The following CHN2 variants were observed in gnomAD, a reference collection of about 807,000 sequenced individuals.
CHN2 encodes beta-chimaerin.
CHN2 carries 35 observed loss-of-function variants against 56.3 expected under a neutral mutation model. The observed-to-expected ratio is 0.62, with a 90% CI of 0.47 to 0.82. The LOEUF (loss-of-function observed/expected upper bound fraction) is 0.82, where lower values mean the gene tolerates loss of function less well. Among genes scored for constraint, CHN2 ranks in the 40% least tolerant of loss-of-function variants. The pLI is 0.00. For synonymous variants in CHN2, 210 were observed against 212.8 expected (o/e 0.99, Z 0.12); for missense variants, 491 against 580.5 (o/e 0.85, Z 1.58).
At chr7:29,466,535 G>A (rs1785566488) in intron 6 of CHN2, among the ~76,000 whole-genome samples, 1 of 152,110 alleles carries the variant, frequency 6.6e-6, no homozygotes, top group Admixed American at 6.5e-5. Context: ...GATCTCTCTT[G>A]CATTTTGGAA....
intron 1 of CHN2, among the ~76,000 whole-genome samples, chr7:29,250,805 G>A (rs1788442429): frequency 6.6e-6 from 1 of 151,650 alleles, no homozygotes; most frequent in Non-Finnish European, 1.5e-5. Context: ...CTGCTTCCAG[G>A]GTTCAAGCGA....
Position 29,218,282 on chromosome 7 carries a change from A to G in CHN2, c.49+23292A>G, listed in dbSNP as rs560119093. On this transcript the variant is annotated intron_variant, in intron 1 of 12. Transcript: ENST00000222792. ...AGACAGCCAAAGTCATGCCTCGTGA[A>G]GGTAGGCATGTGGAGTGGTGGAATC... is the stretch of plus-strand genomic sequence containing the variant. Among the ~76,000 whole-genome samples the G allele has an allele frequency of 2.6e-5, 4 of 152,068 alleles. No individual in the cohort carries two copies. In the East Asian group the frequency reaches 7.8e-4, roughly 30 times the overall value.
chr7:29,446,709 G>A (rs928620787), intron 6 of CHN2, among the ~76,000 whole-genome samples: 1 of 152,210 alleles, frequency 6.6e-6, no homozygotes, highest in Non-Finnish European at 1.5e-5. Context: ...GCAGATATCA[G>A]TGCAGCAAAT....
intron 1 of CHN2, among the ~76,000 whole-genome samples, chr7:29,299,199 C>T (rs1384012109): frequency 1.3e-5 from 2 of 152,186 alleles, no homozygotes; most frequent in African/African-American, 4.8e-5. Flanking sequence ...GCTCCCACTG[C>T]GTAGACCGGT....
intron 7 of CHN2, among the ~76,000 whole-genome samples, chr7:29,494,001 A>G (rs1189715452): frequency 2.0e-5 from 3 of 152,094 alleles, no homozygotes; most frequent in South Asian, 2.1e-4. Flanking sequence ...CTTCACTCCA[A>G]TTCCTCTCCC....
intron 1 of CHN2, among the ~76,000 whole-genome samples, chr7:29,309,176 TTTTTTGTTTTTG>T (rs781412334): frequency 1.2e-4 from 18 of 152,324 alleles, no homozygotes; most frequent in Non-Finnish European, 2.4e-4. Flanking sequence ...CAAAAGCTTT[TTTTTTGTTTTTG>T]TTTTTGTTTT....
At chr7:29,361,848 G>A (rs1220201958) in intron 2 of CHN2, among the ~76,000 whole-genome samples, 1 of 152,166 alleles carries the variant, frequency 6.6e-6, no homozygotes, top group Non-Finnish European at 1.5e-5. Context: ...AATCTCTGAG[G>A]CCATCAACTC....
At chr7:29,446,645 C>T in intron 6 of CHN2, among the ~76,000 whole-genome samples, 1 of 152,072 alleles carries the variant, frequency 6.6e-6, no homozygotes. Flanking sequence ...GAGAGCTGCC[C>T]AAAGAGAGAA....
At chr7:29,436,634 G>A (rs992193510) in intron 6 of CHN2, among the ~76,000 whole-genome samples, 8 of 152,082 alleles carry the variant, frequency 5.3e-5, no homozygotes, top group African/African-American at 1.9e-4. Flanking sequence ...ATTGTGCCTG[G>A]TGACACCCCC....
chr7:29,326,398 C>T (rs868792267), intron 1 of CHN2, among the ~76,000 whole-genome samples: 8 of 152,276 alleles, frequency 5.3e-5, no homozygotes, highest in Admixed American at 2.6e-4. Context: ...CCTTGTGATC[C>T]GCCTGCCTTG....
At chr7:29,355,176 G>T (rs1405061989) in intron 2 of CHN2, among the ~76,000 whole-genome samples, 1 of 151,912 alleles carries the variant, frequency 6.6e-6, no homozygotes, top group Non-Finnish European at 1.5e-5. Context: ...TCTCCATGTT[G>T]GTCAGGATGG....
intron 6 of CHN2, among the ~76,000 whole-genome samples, chr7:29,472,011 A>T (rs777759435): frequency 5.3e-5 from 8 of 152,204 alleles, no homozygotes; most frequent in Non-Finnish European, 1.2e-4. Context: ...TAGGAAAGGC[A>T]AGGATGATTC....
At chr7:29,348,600 A>G (rs1797646585) in intron 1 of CHN2, among the ~76,000 whole-genome samples, 1 of 152,212 alleles carries the variant, frequency 6.6e-6, no homozygotes, top group Non-Finnish European at 1.5e-5. Context: ...GGAATCGGAC[A>G]TGACCTTTTG....
rs1381924671 is a variant in CHN2 at position 29,507,314 on chromosome 7, C to T, written c.1078C>T (p.Pro360Ser). 6.2e-7 allele frequency: 1 copy of T among 1,612,746 alleles called. No homozygotes were observed. Among genetic ancestry groups the T allele is most frequent in the South Asian group, 1.1e-5 (1 of 91,028 alleles). The change falls in exon 11 of 13, where the codon CCC becomes TCC. Residue 360 changes from proline to serine, a missense_variant. By Grantham distance (74) the Pro-to-Ser change is moderately conservative. Transcript: ENST00000222792. ...CCTTAAACTGTATTTCAGAGACTTA[C>T]CCATCCCTGTCATCACATATGATAC... The part of the protein sequence containing the change: ...GALKLYFRDL[P>S]IPVITYDTYS...
chr7:29,206,837 A>G (rs990859739), intron 1 of CHN2, among the ~76,000 whole-genome samples: 12 of 152,178 alleles, frequency 7.9e-5, no homozygotes, highest in Non-Finnish European at 1.5e-4. Context: ...ATGTTAAGTG[A>G]AAGAAGTGAA....
At chr7:29,251,251 G>A (rs546646209) in intron 1 of CHN2, among the ~76,000 whole-genome samples, 10 of 152,180 alleles carry the variant, frequency 6.6e-5, no homozygotes, top group Middle Eastern at 3.4e-3. Flanking sequence ...CCAGCAGTTC[G>A]AGATCAGCCT....
chr7:29,409,319 G>A (rs562266816), intron 6 of CHN2, among the ~76,000 whole-genome samples: 2 of 152,204 alleles, frequency 1.3e-5, no homozygotes, highest in South Asian at 4.2e-4. Context: ...TATGGTATTA[G>A]AAAGTAAAAT....
chr7:29,185,938 C>T (rs906913538), intron 2 of CHN2, among the ~76,000 whole-genome samples: 12 of 152,288 alleles, frequency 7.9e-5, no homozygotes, highest in Middle Eastern at 3.4e-3. Flanking sequence ...GATAGGGAAA[C>T]TCGCCCATGT....
chr7:29,273,856 A>T (rs1455977963), intron 1 of CHN2, among the ~76,000 whole-genome samples: 1 of 152,152 alleles, frequency 6.6e-6, no homozygotes, highest in African/African-American at 2.4e-5. Context: ...CTTTCTGAAA[A>T]ACTCTACTGT....
Sources: allele counts gnomAD v4.1 joint callset (sites outside exome capture counted in the v4.1 genomes callset), GRCh38; gene constraint gnomAD v4.1.1; transcripts MANE v1.5; gene names NCBI Gene and HGNC (gene_info 2026-07-23, HGNC 2026-07-21).